Variants in AUH observed in about 807,000 individuals in gnomAD.
AUH encodes the protein methylglutaconyl-CoA hydratase, mitochondrial.
AUH carries 29 observed loss-of-function variants against 42.3 expected under a neutral mutation model. The observed-to-expected ratio is 0.69, with a 90% confidence interval of 0.51 to 0.93. The LOEUF is 0.93. Ranked by LOEUF, AUH falls within the 40% of genes least tolerant of loss-of-function variation. The pLI, the probability that AUH is intolerant of heterozygous loss-of-function variation, is 0.00. For synonymous variants in AUH, 174 were observed against 166.4 expected (o/e 1.05, Z -0.35); for missense variants, 452 against 438.1 (o/e 1.03, Z -0.28).
At chr9:91,284,767 C>A (rs1045180665) in intron 6 of AUH, among the ~76,000 whole-genome samples, 5 of 152,174 alleles carry the variant, frequency 3.3e-5, no homozygotes, top group Admixed American at 2.0e-4. Context: ...GAGATACCAT[C>A]TCACACCAGT....
intron 3 of AUH, among the ~76,000 whole-genome samples, chr9:91,346,086 CAG>C (rs1282846511): frequency 3.3e-5 from 5 of 152,104 alleles, no homozygotes; most frequent in Admixed American, 6.5e-5. Context: ...TCCTGAGTGA[CAG>C]AGTGTCTTTT....
chr9:91,265,479 C>A (rs1031187915), intron 6 of AUH, among the ~76,000 whole-genome samples: 1 of 152,148 alleles, frequency 6.6e-6, no homozygotes, highest in Non-Finnish European at 1.5e-5. Context: ...TCCTCATGTA[C>A]TCCATGACCT....
intron 6 of AUH, among the ~76,000 whole-genome samples, chr9:91,282,699 C>T (rs906485655): frequency 2.0e-5 from 3 of 152,154 alleles, no homozygotes; most frequent in Non-Finnish European, 2.9e-5. Context: ...TGCAAATAAA[C>T]TAGAAAATCT....
In AUH at chr9:91,220,786, C is replaced by T; in HGVS notation, c.843+19G>A. On this transcript the variant is annotated intron_variant, in intron 7 of 9. Transcript: ENST00000375731. ...GTTTCCTAAAATGAGAAAAAATAAA[C>T]TCATTTAATGAGAAATACCTGAGGT... 1 of 1,613,250 alleles carries T rather than the reference C, an allele frequency of 6.2e-7. No individual in the cohort carries two copies. Among genetic ancestry groups the T allele is most frequent in the Non-Finnish European group, 8.5e-7 (1 of 1,179,566 alleles).
intron 6 of AUH, among the ~76,000 whole-genome samples, chr9:91,249,204 G>A (rs1028881565): frequency 4.7e-5 from 7 of 149,530 alleles, no homozygotes; most frequent in Admixed American, 4.0e-4. Context: ...GGCTAAGGTG[G>A]GGGGATCACC....
chr9:91,326,343 T>C lies in AUH; in HGVS notation c.419-939A>G, dbSNP rs187520136. Among the ~76,000 whole-genome samples the C allele has an allele frequency of 3.9e-5, 6 of 152,272 alleles. No homozygotes were observed. In the East Asian group the frequency reaches 1.2e-3, roughly 29 times the overall value. The stretch of plus-strand genomic sequence containing the variant: ...ATCCCAGCATCCATCAGATCTTAGA[T>C]ATGTATACCCTAGAAAATCTCTCAA... On this transcript the variant is annotated intron_variant, in intron 3 of 9. Transcript: ENST00000375731.
At chr9:91,262,611 C>A (rs1009856550) in intron 6 of AUH, among the ~76,000 whole-genome samples, 4 of 152,118 alleles carry the variant, frequency 2.6e-5, no homozygotes, top group African/African-American at 9.7e-5. Context: ...GCACTTTATA[C>A]ACTCCATTTA....
intron 4 of AUH, among the ~76,000 whole-genome samples, chr9:91,321,046 G>C (rs1411359751): frequency 2.0e-5 from 3 of 152,086 alleles, no homozygotes; most frequent in Non-Finnish European, 2.9e-5. Flanking sequence ...TTGAAAAATT[G>C]AATCTTTTAT....
intron 6 of AUH, among the ~76,000 whole-genome samples, chr9:91,250,279 G>C (rs1638639115): frequency 6.6e-6 from 1 of 152,054 alleles, no homozygotes; most frequent in African/African-American, 2.4e-5. Context: ...GCCATGGTGT[G>C]CAAGTTTTTC....
chr9:91,262,493 C>T (rs933321877), intron 6 of AUH, among the ~76,000 whole-genome samples: 1 of 152,132 alleles, frequency 6.6e-6, no homozygotes, highest in African/African-American at 2.4e-5. Flanking sequence ...ACACTGTGAC[C>T]AGGCTGAGCC....
At chr9:91,241,064 T>C (rs555222549) in intron 6 of AUH, among the ~76,000 whole-genome samples, 86 of 152,302 alleles carry the variant, frequency 5.6e-4, no homozygotes, top group African/African-American at 2.0e-3. Flanking sequence ...AGAATCTAAA[T>C]GATAATCTTA....
rs928671433 is a variant in AUH, at chr9:91,361,918, C to A, written c.-29G>T. 2.8e-5 allele frequency: 38 copies of A among 1,349,970 alleles called. No individual in the cohort carries two copies. The highest frequency in any genetic ancestry group is 6.3e-5 in the East Asian group (2 of 31,840). The allele number at this position is 1,349,970 out of a possible 1,614,324, so 83.6% of individuals were successfully genotyped here. ...GTCTGTTTACGGCGTGGACCTGCGA[C>A]GGCCGCTCCGCCCCCGCCCGGCGCC... is the stretch of plus-strand genomic sequence containing the variant. On this transcript the variant is annotated 5_prime_UTR_variant, in exon 1 of 10. Transcript: ENST00000375731.
At chr9:91,318,791 CCAA>C (rs1172805519) in intron 4 of AUH, among the ~76,000 whole-genome samples, 12 of 152,228 alleles carry the variant, frequency 7.9e-5, no homozygotes, top group African/African-American at 2.9e-4. Flanking sequence ...CTCCTGCATT[CCAA>C]ATCCCTCTTC....
chr9:91,316,545 G>A (rs938601568), intron 4 of AUH, among the ~76,000 whole-genome samples: 1 of 152,186 alleles, frequency 6.6e-6, no homozygotes, highest in African/African-American at 2.4e-5. Context: ...CTAACTCTTA[G>A]TAAGACCTGG....
At chr9:91,361,019 G>A (rs1024479640) in intron 1 of AUH, among the ~76,000 whole-genome samples, 3 of 152,124 alleles carry the variant, frequency 2.0e-5, no homozygotes, top group Non-Finnish European at 2.9e-5. Flanking sequence ...GTCTCCTCCC[G>A]TAGAAGGTAG....
intron 3 of AUH, among the ~76,000 whole-genome samples, chr9:91,349,491 A>G (rs543478019): frequency 6.6e-6 from 1 of 152,396 alleles, no homozygotes; most frequent in Non-Finnish European, 1.5e-5. Context: ...GTAAAAGAAC[A>G]AAAATAAACA....
chr9:91,308,511 C>A (rs567884048), intron 4 of AUH, among the ~76,000 whole-genome samples: 47 of 152,300 alleles, frequency 3.1e-4, no homozygotes, highest in Middle Eastern at 3.4e-3. Context: ...CTGTAAGTCA[C>A]CATGCAGAAA....
chr9:91,255,430 G>A (rs191730324), intron 6 of AUH, among the ~76,000 whole-genome samples: 8 of 152,274 alleles, frequency 5.3e-5, no homozygotes, highest in Admixed American at 2.6e-4. Context: ...TACTGTTTAC[G>A]TGCTTTTGCT....
chr9:91,303,654 T>A (rs971041258), intron 4 of AUH, among the ~76,000 whole-genome samples: 11 of 152,204 alleles, frequency 7.2e-5, no homozygotes, highest in African/African-American at 2.7e-4. Flanking sequence ...TTGGTTTTGC[T>A]TGAAGAATAG....
Sources: allele counts gnomAD v4.1 joint callset (sites outside exome capture counted in the v4.1 genomes callset), GRCh38; gene constraint gnomAD v4.1.1; transcripts MANE v1.5; gene names NCBI Gene and HGNC (gene_info 2026-07-23, HGNC 2026-07-21).